The following STARD9 variants were observed in gnomAD, a reference collection of about 807,000 sequenced individuals.
STARD9 encodes stAR-related lipid transfer protein 9.
In STARD9, 346 loss-of-function variants were observed where a neutral mutation model predicts 399.8. The observed-to-expected ratio is 0.87, with a 90% CI of 0.79 to 0.95. STARD9 has a LOEUF of 0.95. STARD9 is among the 40% of genes least tolerant of loss of function. STARD9 has a pLI of 0.00. For missense variants in STARD9, 5,832 were observed against 5,667.5 expected (o/e 1.03, Z -0.93); for synonymous variants, 2,203 against 2,143.5 (o/e 1.03, Z -0.77).
Position 42,690,416 on chromosome 15 carries a change from A to G in STARD9, c.8838A>G (p.Lys2946=), listed in dbSNP as rs776108929. Residue 2946 remains lysine, a synonymous_variant, in exon 23 of 33, where the codon AAA becomes AAG. Coordinates refer to ENST00000290607, the MANE Select transcript of STARD9 (RefSeq NM_020759.3). ...GSRTLSPSRG[K]ESRTLPCRQP... ...GGACTCTCAGCCCGTCTAGAGGGAA[A>G]GAGAGCAGAACTCTTCCTTGCCGAC... 9.8e-6 allele frequency: 15 copies of G among 1,537,098 alleles called. No individual in the cohort carries two copies. Among genetic ancestry groups the G allele is most frequent in the Non-Finnish European group, 1.2e-5 (14 of 1,146,884 alleles).
At chr15:42,695,903 T>A in intron 26 of STARD9, 23 bp downstream of exon 26, 1 of 1,532,140 alleles carries the variant, frequency 6.5e-7, no homozygotes, top group Non-Finnish European at 8.7e-7. Flanking sequence ...ATGTTGGGAA[T>A]GAGCCAGGGG....
chr15:42,634,778 T>G, intron 3 of STARD9, 78 bp from the exon 4 acceptor site: 1 of 647,124 alleles, frequency 1.5e-6, no homozygotes, highest in Non-Finnish European at 2.5e-6. Context: ...TTTATATTTT[T>G]TTAGATTAGA....
intron 26 of STARD9, among the ~76,000 whole-genome samples, chr15:42,699,162 A>G (rs1397246238): frequency 6.6e-6 from 1 of 152,166 alleles, no homozygotes; most frequent in Non-Finnish European, 1.5e-5. Flanking sequence ...AACATTTATC[A>G]TTTCTTTGTG....
chr15:42,679,811 A>G (rs1007303567), intron 20 of STARD9, among the ~76,000 whole-genome samples: 1 of 152,228 alleles, frequency 6.6e-6, no homozygotes, highest in Non-Finnish European at 1.5e-5. Flanking sequence ...AACAGGCAGC[A>G]GACCAGATTT....
At chr15:42,579,053 A>G (rs2058115237) in intron 1 of STARD9, among the ~76,000 whole-genome samples, 1 of 152,208 alleles carries the variant, frequency 6.6e-6, no homozygotes, top group Non-Finnish European at 1.5e-5. Context: ...ACCAATGGCT[A>G]CTTAACTATG....
rs1408827717 is a variant in STARD9 at position 42,694,352 on chromosome 15, C to T, written c.12764+10C>T. The T allele has an allele frequency of 2.0e-6, 3 of 1,532,620 alleles. No homozygotes were observed. Among genetic ancestry groups the T allele is most frequent in the African/African-American group, 2.7e-5 (2 of 72,898 alleles). The allele number at this position is 1,532,620 out of a possible 1,614,324, so 94.9% of individuals were successfully genotyped here. A position where few individuals can be genotyped will look rare whatever the true frequency, so the allele number is the denominator to read the frequency against. ...AGGAGCTCTATGCACGGTAAGGACC[C>T]CCAGCCTGGAGTCGGGAGGGGAAGG... On this transcript the variant is annotated intron_variant, in intron 23 of 32. Transcript: ENST00000290607.
chr15:42,701,680 A>C (rs997480118), intron 26 of STARD9, among the ~76,000 whole-genome samples: 1 of 152,186 alleles, frequency 6.6e-6, no homozygotes, highest in African/African-American at 2.4e-5. Flanking sequence ...AGTTGAGTGC[A>C]TGACCAACAG....
In STARD9 at chr15:42,695,296, C is replaced by A. The variant is rs996716519; in HGVS notation, c.13119C>A (p.His4373Gln). ...CTGAACAAGAGAAGCTGAGAATCCA[C>A]CAGAAGATCATTTCCCAGCTATTGA... Reference protein sequence around the residue: ...ERTEQEKLRIHQKIISQLLKE... With the variant: ...ERTEQEKLRIQQKIISQLLKE... The change falls in exon 25 of 33, where the codon CAC becomes CAA. Residue 4373 changes from histidine to glutamine, a missense_variant. Coordinates refer to ENST00000290607, the MANE Select transcript of STARD9 (RefSeq NM_020759.3). 6.3e-5 allele frequency: 96 copies of A among 1,535,926 alleles called. No individual in the cohort carries two copies. Among genetic ancestry groups the A allele is most frequent in the Non-Finnish European group, 8.4e-5 (96 of 1,146,034 alleles).
chr15:42,660,009 C>G lies in STARD9; in HGVS notation c.703-1149C>G, dbSNP rs969328389. ...AATGGATAACTGTGGTATATCCACA[C>G]AATGGAATAATAGCAGTAAAAATGA... is the stretch of plus-strand genomic sequence containing the variant. On this transcript the variant is annotated intron_variant, in intron 9 of 32. Transcript: ENST00000290607. Among the ~76,000 whole-genome samples, 4 of 152,132 alleles carry G rather than the reference C, an allele frequency of 2.6e-5. No individual in the cohort carries two copies. In the East Asian group the frequency reaches 7.7e-4, roughly 29 times the overall value.
intron 26 of STARD9, among the ~76,000 whole-genome samples, chr15:42,699,032 TG>T (rs1197517620): frequency 1.3e-5 from 2 of 152,142 alleles, no homozygotes; most frequent in Admixed American, 6.5e-5. Flanking sequence ...TAAAAAAAAT[TG>T]TCTTATTTTA....
chr15:42,690,770 C>G lies in STARD9; in HGVS notation c.9192C>G (p.Asp3064Glu). The G allele has an allele frequency of 6.5e-7, 1 of 1,537,262 alleles. No homozygotes were observed. The highest frequency in any genetic ancestry group is 8.7e-7 in the Non-Finnish European group (1 of 1,146,910). ...AQGCRSPSAP[D>E]VRTGSFSHSA... ...GCTGCAGATCCCCTTCTGCTCCTGACGTGAGGACAGGTTCCTTCAGCCACT... is the reference window on the plus strand; with the variant it reads ...GCTGCAGATCCCCTTCTGCTCCTGAGGTGAGGACAGGTTCCTTCAGCCACT... The change falls in exon 23 of 33, where the codon GAC (aspartate) becomes GAG (glutamate). Residue 3064 changes from aspartate (D) to glutamate (E), a missense_variant. Transcript: ENST00000290607.
chr15:42,663,821 G>T lies in STARD9; in HGVS notation c.1080G>T (p.Thr360=). 1 of 1,534,512 alleles carries T rather than the reference G, an allele frequency of 6.5e-7. No homozygotes were observed. The highest frequency in any genetic ancestry group is 1.7e-4 in the Middle Eastern group (1 of 5,982). Residue 360 remains threonine (T), a splice_region_variant and synonymous_variant, in exon 13 of 33, where the codon ACG becomes ACT. Transcript: ENST00000290607. ...GGNSKTIMVA[T]VSPAHTSYSE... Reference sequence around the variant, plus strand: ...TTAAACTTTCTCCTTCTACCTCAGCGGTGTCTCCTGCACACACTAGCTACA... The same window carrying T: ...TTAAACTTTCTCCTTCTACCTCAGCTGTGTCTCCTGCACACACTAGCTACA...
In STARD9 at chr15:42,693,173, T is replaced by A. The variant is rs886683650; in HGVS notation, c.11595T>A (p.His3865Gln). 15 of 1,536,894 alleles carry A rather than the reference T, an allele frequency of 9.8e-6. No homozygotes were observed. Among genetic ancestry groups the A allele is most frequent in the African/African-American group, 1.4e-5 (1 of 72,994 alleles). Residue 3865 changes from histidine to glutamine, a missense_variant, in exon 23 of 33, where the codon CAT becomes CAA. Transcript: ENST00000290607. ...GCAGTCCCAGTCCCAGCTCCCCTCA[T>A]TCCCCAGGGCTCTTTCCCAGTACTT... ...VVSSPSPSSP[H>Q]SPGLFPSTSE...
At chr15:42,669,779 G>A (rs546146429) in intron 16 of STARD9, 71 of 154,260 alleles carry the variant, frequency 4.6e-4, no homozygotes, top group Non-Finnish European at 7.6e-4. Context: ...GGTTGGGCGC[G>A]GTGGCTCACA....
In STARD9 at chr15:42,592,704, A is replaced by G. The variant is rs533157624; in HGVS notation, c.234+7067A>G. 5.3e-5 allele frequency among the ~76,000 whole-genome samples: 8 copies of G among 152,138 alleles called. No individual in the cohort carries two copies. The South Asian group carries it at 8.3e-4, about 16-fold the overall frequency. ...AGTGATCTGCCCACCTCAGCCTCCC[A>G]AAGTGCTGGGATTACAGGCGTGAGC... On this transcript the variant is annotated intron_variant, in intron 3 of 32. Coordinates refer to ENST00000290607, the MANE Select transcript of STARD9 (RefSeq NM_020759.3).
In STARD9 at chr15:42,685,673, A is replaced by T; in HGVS notation, c.4095A>T (p.Glu1365Asp). ...TATGTCCAAGTCCTGATATGCAGGA[A>T]TTTCACTCCTGTAAGGGGGAGAGGC... Reference protein sequence around the residue: ...GSLCPSPDMQEFHSCKGERPG... With the variant: ...GSLCPSPDMQDFHSCKGERPG... The change falls in exon 23 of 33, where the codon GAA becomes GAT. Residue 1365 changes from glutamate to aspartate, a missense_variant. Glu to Asp is a conservative substitution (Grantham distance 45). Around this residue, in one of 2 missense-constraint regions of STARD9, gnomAD observed 5,828 missense variants for 5,651.1 expected, o/e 1.03. Coordinates refer to ENST00000290607, the MANE Select transcript of STARD9 (RefSeq NM_020759.3). 2.0e-6 allele frequency: 3 copies of T among 1,537,308 alleles called. No individual in the cohort carries two copies. Among genetic ancestry groups the T allele is most frequent in the Non-Finnish European group, 2.6e-6 (3 of 1,146,944 alleles).
intron 30 of STARD9, 78 bp from the exon 31 acceptor site, chr15:42,718,356 GA>G: frequency 7.6e-7 from 1 of 1,315,424 alleles, no homozygotes; most frequent in Non-Finnish European, 1.1e-6. Context: ...GTGTTGGGGG[GA>G]GGGCTCCCTG....
intron 7 of STARD9, among the ~76,000 whole-genome samples, chr15:42,646,189 GATA>G (rs904271705): frequency 2.0e-5 from 3 of 151,464 alleles, no homozygotes; most frequent in Non-Finnish European, 4.4e-5. Context: ...TAATAATAAT[GATA>G]ATAATAATAA....
chr15:42,693,931 T>A lies in STARD9; in HGVS notation c.12353T>A (p.Phe4118Tyr), dbSNP rs866390381. ...TGCCAACCTGAGGAGTTACTGTGCTTCAGTTGCCAGATGTGCATGGCCCCT... is the reference window on the plus strand; with the variant it reads ...TGCCAACCTGAGGAGTTACTGTGCTACAGTTGCCAGATGTGCATGGCCCCT... Reference protein sequence around the residue: ...QACQPEELLCFSCQMCMAPEH... With the variant: ...QACQPEELLCYSCQMCMAPEH... The change falls in exon 23 of 33, where the codon TTC (phenylalanine) becomes TAC (tyrosine). Residue 4118 changes from phenylalanine to tyrosine, a missense_variant. Around this residue, in one of 2 missense-constraint regions of STARD9, gnomAD observed 5,828 missense variants for 5,651.1 expected, o/e 1.03. Coordinates refer to ENST00000290607, the MANE Select transcript of STARD9 (RefSeq NM_020759.3). 6.6e-7 allele frequency: 1 copy of A among 1,507,914 alleles called. No individual in the cohort carries two copies. Among genetic ancestry groups the A allele is most frequent in the African/African-American group, 1.4e-5 (1 of 72,360 alleles). 93.4% of individuals were successfully genotyped at this position (1,507,914 alleles called of 1,614,324 possible).
Sources: allele counts gnomAD v4.1 joint callset (sites outside exome capture counted in the v4.1 genomes callset), GRCh38; gene constraint gnomAD v4.1.1; regional missense constraint gnomAD v4.1.1; transcripts MANE v1.5; gene names NCBI Gene and HGNC (gene_info 2026-07-23, HGNC 2026-07-21).